RIMS2: variants seen among roughly 807,000 people sequenced by gnomAD.
The protein encoded by RIMS2 is regulating synaptic membrane exocytosis protein 2.
RIMS2 carries 59 observed loss-of-function variants against 174.4 expected under a neutral mutation model. The observed-to-expected ratio is 0.34, with a 90% confidence interval of 0.27 to 0.42. The LOEUF is 0.42. Ranked by LOEUF, RIMS2 falls within the 10% of genes least tolerant of loss-of-function variation. RIMS2 has a pLI of 1.00. For synonymous variants in RIMS2, 606 were observed against 572.5 expected (o/e 1.06, Z -0.84); for missense variants, 1,620 against 1,666.3 (o/e 0.97, Z 0.48).
chr8:104,254,962 A>C (rs940533317), downstream of RIMS2: 2 of 152,186 alleles, frequency 1.3e-5, no homozygotes, highest in African/African-American at 4.8e-5. Context: ...TGAATGGGTG[A>C]GAGGATTTCT....
At chr8:104,089,029 T>C (rs1341980863) in intron 19 of RIMS2, among the ~76,000 whole-genome samples, 3 of 151,968 alleles carry the variant, frequency 2.0e-5, no homozygotes. Flanking sequence ...CTTAATAGTA[T>C]GTACAAAACA....
At chr8:104,106,761 T>C (rs1321667072) in intron 19 of RIMS2, among the ~76,000 whole-genome samples, 1 of 152,222 alleles carries the variant, frequency 6.6e-6, no homozygotes, top group Non-Finnish European at 1.5e-5. Flanking sequence ...AATCTATAGC[T>C]GTTATTCAAA....
intron 19 of RIMS2, among the ~76,000 whole-genome samples, chr8:104,165,890 A>G (rs12056946): frequency 0.41 from 62,480 of 151,760 alleles, 13,114 homozygotes; most frequent in East Asian, 0.6. Context: ...TGCAGGCACT[A>G]TGGAAAATTT....
intron 19 of RIMS2, among the ~76,000 whole-genome samples, chr8:104,139,722 C>G (rs749992307): frequency 1.3e-5 from 2 of 152,138 alleles, no homozygotes; most frequent in Non-Finnish European, 2.9e-5. Context: ...GATAATTTGA[C>G]TTCTTTCTTT....
chr8:104,045,678 A>G (rs1340866350), intron 19 of RIMS2, among the ~76,000 whole-genome samples: 2 of 151,726 alleles, frequency 1.3e-5, no homozygotes, highest in African/African-American at 4.8e-5. Flanking sequence ...TAGATCAATT[A>G]TTATTATTGT....
At chr8:103,977,300 A>G (rs2093531867) in intron 16 of RIMS2, 1 of 152,218 alleles carries the variant, frequency 6.6e-6, no homozygotes, top group South Asian at 2.1e-4. Flanking sequence ...TATAAATGGG[A>G]CCAAAATTAT....
Position 103,726,738 on chromosome 8 carries a change from T to C in RIMS2, c.387+29442T>C, listed in dbSNP as rs966540441. Among the ~76,000 whole-genome samples the C allele has an allele frequency of 5.3e-4, 79 of 147,956 alleles. 1 individual carries two copies. Among genetic ancestry groups the C allele is most frequent in the Non-Finnish European group, 1.0e-3 (69 of 67,154 alleles). ...ATTTTATTTATATTAATTATATATA[T>C]ATATATATTTTTGAGACAGAGTCTC... On this transcript the variant is annotated intron_variant, in intron 2 of 23. Coordinates refer to ENST00000504942, the Ensembl canonical transcript of RIMS2.
chr8:103,846,919 C>CA (rs1392662982), intron 3 of RIMS2, among the ~76,000 whole-genome samples: 3 of 152,140 alleles, frequency 2.0e-5, no homozygotes, highest in Admixed American at 6.6e-5. Context: ...TTTATAGTTG[C>CA]AGCGTGACTT....
chr8:104,238,093 T>A (rs1467559844), intron 19 of RIMS2, among the ~76,000 whole-genome samples: 2 of 152,118 alleles, frequency 1.3e-5, no homozygotes, highest in Non-Finnish European at 2.9e-5. Context: ...ATGTGGCACA[T>A]ATACACCATG....
intron 1 of RIMS2, among the ~76,000 whole-genome samples, chr8:103,581,685 A>C (rs2093627246): frequency 6.6e-6 from 1 of 152,238 alleles, no homozygotes; most frequent in African/African-American, 2.4e-5. Context: ...AAGTCACATT[A>C]GGTTTGTTTG....
At chr8:104,138,738 T>C (rs886305025) in intron 19 of RIMS2, among the ~76,000 whole-genome samples, 1 of 152,172 alleles carries the variant, frequency 6.6e-6, no homozygotes, top group Non-Finnish European at 1.5e-5. Context: ...ACTTTGTTGT[T>C]TCCTTTGCTG....
chr8:103,847,283 C>T (rs1246077386), intron 3 of RIMS2, among the ~76,000 whole-genome samples: 1 of 152,016 alleles, frequency 6.6e-6, no homozygotes, highest in East Asian at 1.9e-4. Flanking sequence ...GTATCGGGGG[C>T]ATAGCAGCTT....
intron 14 of RIMS2, among the ~76,000 whole-genome samples, chr8:103,952,243 C>T (rs2085633548): frequency 6.6e-6 from 1 of 152,192 alleles, no homozygotes; most frequent in South Asian, 2.1e-4. Context: ...TCTCCCAGCA[C>T]AGTGTTTGAG....
chr8:104,154,360 G>A (rs1408551400), intron 19 of RIMS2, among the ~76,000 whole-genome samples: 1 of 152,146 alleles, frequency 6.6e-6, no homozygotes, highest in Non-Finnish European at 1.5e-5. Flanking sequence ...GCCCTGTCCT[G>A]TACAATATGG....
At chr8:103,501,534 C>T (rs1262041980) in intron 1 of RIMS2, 1 of 153,418 alleles carries the variant, frequency 6.5e-6, no homozygotes, top group Non-Finnish European at 1.4e-5. Flanking sequence ...TCCCACGCCT[C>T]CGCGGGGCGG....
intron 1 of RIMS2, among the ~76,000 whole-genome samples, chr8:103,591,837 T>G (rs2094275200): frequency 6.6e-6 from 1 of 151,230 alleles, no homozygotes; most frequent in Admixed American, 6.6e-5. Flanking sequence ...TGTTTAAACC[T>G]CTTACCTTTT....
At chr8:103,559,785 G>T (rs1016803780) in intron 1 of RIMS2, among the ~76,000 whole-genome samples, 1 of 152,206 alleles carries the variant, frequency 6.6e-6, no homozygotes, top group Non-Finnish European at 1.5e-5. Context: ...GTGGTTTCAG[G>T]ATGCTGGCAG....
intron 1 of RIMS2, among the ~76,000 whole-genome samples, chr8:103,617,960 T>C (rs1463528857): frequency 2.0e-5 from 3 of 152,096 alleles, no homozygotes; most frequent in Admixed American, 6.6e-5. Flanking sequence ...TCCTCAAAGA[T>C]TTAATAGCAG....
intron 10 of RIMS2, among the ~76,000 whole-genome samples, chr8:103,923,671 C>T (rs750517070): frequency 6.6e-6 from 1 of 151,566 alleles, no homozygotes; most frequent in Non-Finnish European, 1.5e-5. Context: ...GGAATATGTT[C>T]CACTATGATA....
Sources: gnomAD v4.1 joint callset for allele counts (sites outside exome capture counted in the v4.1 genomes callset) on GRCh38, gnomAD v4.1.1 for gene constraint, MANE v1.5 for transcripts, NCBI Gene and HGNC (gene_info 2026-07-23, HGNC 2026-07-21) for gene names.